RBFOX1: variants seen among roughly 807,000 people sequenced by gnomAD.
The protein encoded by RBFOX1 is RNA binding fox-1 homolog 1, also known as RNA binding protein fox-1 homolog 1.
Under a neutral mutation model 57.7 loss-of-function variants are expected in RBFOX1, and 8 were observed. The ratio of observed to expected loss-of-function variants is 0.14; its 90% CI spans 0.08 to 0.25. The LOEUF is 0.25. Among genes scored for constraint, RBFOX1 ranks in the 10% least tolerant of loss-of-function variants. RBFOX1 has a pLI of 1.00. For synonymous variants in RBFOX1, 326 were observed against 222.4 expected (o/e 1.47, Z -4.15); for missense variants, 611 against 548.5 (o/e 1.11, Z -1.14).
intron 14 of RBFOX1, among the ~76,000 whole-genome samples, chr16:7,678,632 G>C (rs1416389603): frequency 6.6e-6 from 1 of 151,884 alleles, no homozygotes; most frequent in African/African-American, 2.4e-5. Flanking sequence ...GAAAAAAAAA[G>C]ATTACAAAGA....
intron 2 of RBFOX1, among the ~76,000 whole-genome samples, chr16:6,619,588 A>G (rs1030447629): frequency 6.6e-6 from 1 of 151,890 alleles, no homozygotes; most frequent in South Asian, 2.1e-4. Context: ...CATGAAACCT[A>G]TGCGTCTAAG....
At chr16:6,547,842 C>A (rs1453318836) in intron 2 of RBFOX1, among the ~76,000 whole-genome samples, 3 of 151,632 alleles carry the variant, frequency 2.0e-5, no homozygotes, top group African/African-American at 7.3e-5. Context: ...AATGTGACTT[C>A]TTTGAACTCT....
At chr16:7,582,209 A>G (rs1016631057) in intron 6 of RBFOX1, among the ~76,000 whole-genome samples, 2 of 152,200 alleles carry the variant, frequency 1.3e-5, no homozygotes, top group African/African-American at 4.8e-5. Context: ...ATTTTCAAGC[A>G]ACTGACAAGA....
At chr16:7,210,502 C>G (rs748997426) in intron 4 of RBFOX1, among the ~76,000 whole-genome samples, 5 of 152,170 alleles carry the variant, frequency 3.3e-5, no homozygotes, top group African/African-American at 9.7e-5. Context: ...TTATTCATAT[C>G]TATAAAATGC....
chr16:5,583,137 A>G (rs771907981), intron 2 of RBFOX1, among the ~76,000 whole-genome samples: 2 of 152,252 alleles, frequency 1.3e-5, no homozygotes, highest in Non-Finnish European at 2.9e-5. Context: ...GAGCTCAAAT[A>G]CATTCAAACA....
At chr16:7,694,022 T>C (rs938583953) in intron 14 of RBFOX1, among the ~76,000 whole-genome samples, 1 of 152,204 alleles carries the variant, frequency 6.6e-6, no homozygotes, top group East Asian at 1.9e-4. Context: ...ATAACACCTG[T>C]CTTTTTTCTT....
intron 1 of RBFOX1, among the ~76,000 whole-genome samples, chr16:6,197,082 G>A (rs2097184408): frequency 6.6e-6 from 1 of 152,166 alleles, no homozygotes; most frequent in South Asian, 2.1e-4. Flanking sequence ...CCTAGCCAGT[G>A]ATTTAAGGAC....
intron 3 of RBFOX1, among the ~76,000 whole-genome samples, chr16:6,699,813 C>A (rs762487472): frequency 1.3e-5 from 2 of 152,070 alleles, no homozygotes; most frequent in Non-Finnish European, 1.5e-5. Context: ...AAGAAAAACT[C>A]ATGATGGTTG....
intron 5 of RBFOX1, among the ~76,000 whole-genome samples, chr16:7,546,011 T>TTA (rs201159838): frequency 0.17 from 10,825 of 65,126 alleles, 539 homozygotes; most frequent in East Asian, 0.32. Flanking sequence ...GACTCTGAGC[T>TTA]TATAAAAAAA....
At chr16:6,215,164 G>C (rs193119713) in intron 1 of RBFOX1, among the ~76,000 whole-genome samples, 42 of 139,436 alleles carry the variant, frequency 3.0e-4, no homozygotes, top group African/African-American at 1.1e-3. Flanking sequence ...GAGGGACAGT[G>C]AGAGAGGGAG....
intron 4 of RBFOX1, among the ~76,000 whole-genome samples, chr16:7,218,629 TGTG>T (rs1567756848): frequency 1.1e-4 from 1 of 9,394 alleles, no homozygotes; most frequent in Admixed American, 1.5e-3. Context: ...GGGGGTTTGC[TGTG>T]TGTGTGTGTG....
At chr16:7,325,116 T>G (rs2096594459) in intron 4 of RBFOX1, among the ~76,000 whole-genome samples, 1 of 152,192 alleles carries the variant, frequency 6.6e-6, no homozygotes, top group Non-Finnish European at 1.5e-5. Context: ...ATCCCTGGCT[T>G]GATCCTCCAA....
At chr16:6,254,721 T>A (rs1290399070) in intron 1 of RBFOX1, among the ~76,000 whole-genome samples, 1 of 152,186 alleles carries the variant, frequency 6.6e-6, no homozygotes, top group Non-Finnish European at 1.5e-5. Context: ...TAAAGCATTT[T>A]GAAAAACCTC....
intron 4 of RBFOX1, among the ~76,000 whole-genome samples, chr16:7,273,369 C>G (rs1009231039): frequency 5.9e-5 from 9 of 151,992 alleles, no homozygotes; most frequent in African/African-American, 1.9e-4. Context: ...GCTGACCAGA[C>G]CTCCTGTTGG....
intron 3 of RBFOX1, among the ~76,000 whole-genome samples, chr16:5,859,565 G>T (rs753152740): frequency 2.0e-5 from 3 of 152,152 alleles, no homozygotes; most frequent in African/African-American, 7.2e-5. Flanking sequence ...AAAATCACTT[G>T]CCAGCAAAGG....
At chr16:6,141,617 C>T (rs1197661475) in intron 1 of RBFOX1, among the ~76,000 whole-genome samples, 1 of 152,140 alleles carries the variant, frequency 6.6e-6, no homozygotes, top group Non-Finnish European at 1.5e-5. Flanking sequence ...TATTTCACTC[C>T]CAAATATTTT....
At chr16:6,779,995 ATT>A (rs796673622) in intron 3 of RBFOX1, among the ~76,000 whole-genome samples, 1 of 40,412 alleles carries the variant, frequency 2.5e-5, no homozygotes, top group South Asian at 1.0e-3. Context: ...ATATTTATAT[ATT>A]TATATATATT....
intron 3 of RBFOX1, among the ~76,000 whole-genome samples, chr16:6,949,797 ATT>A (rs143367554): frequency 1.3e-5 from 2 of 150,540 alleles, no homozygotes; most frequent in Non-Finnish European, 1.5e-5. Flanking sequence ...TTTCTTCTGA[ATT>A]TTTTTTTTCT....
intron 3 of RBFOX1, among the ~76,000 whole-genome samples, chr16:6,757,724 C>G (rs1019391880): frequency 1.3e-5 from 2 of 152,046 alleles, no homozygotes; most frequent in South Asian, 2.1e-4. Flanking sequence ...TTCTAGTGTT[C>G]CACAGCATAG....
Sources: gnomAD v4.1 joint callset for allele counts (sites outside exome capture counted in the v4.1 genomes callset) on GRCh38, gnomAD v4.1.1 for gene constraint, MANE v1.5 for transcripts, NCBI Gene and HGNC (gene_info 2026-07-23, HGNC 2026-07-21) for gene names.